OR9G4: variants seen among roughly 807,000 people sequenced by gnomAD.
OR9G4 encodes olfactory receptor family 9 subfamily G member 4.
A neutral mutation model predicts 16.7 loss-of-function variants in OR9G4; 19 were observed. The ratio of observed to expected loss-of-function variants is 1.14; its 90% CI spans 0.79 to 1.67. The LOEUF is 1.67. Ranked by LOEUF, OR9G4 falls within the 40% of genes most tolerant of loss-of-function variation. OR9G4 has a pLI of 0.00. For missense variants in OR9G4, 428 were observed against 370.4 expected (o/e 1.16, Z -1.28); for synonymous variants, 182 against 146.2 (o/e 1.24, Z -1.76).
At chr11:56,746,667 G>C (rs1009035147) in intron 1 of OR9G4, among the ~76,000 whole-genome samples, 3 of 152,158 alleles carry the variant, frequency 2.0e-5, no homozygotes, top group African/African-American at 7.2e-5. Flanking sequence ...CTAATCTGCA[G>C]TTCCAAAAAT....
chr11:56,746,619 A>C (rs1858421195), intron 1 of OR9G4, among the ~76,000 whole-genome samples: 1 of 152,182 alleles, frequency 6.6e-6, no homozygotes, highest in Admixed American at 6.5e-5. Context: ...GAGAGGAGTA[A>C]TAGGTAATTA....
chr11:56,747,250 C>T (rs1203782719), intron 1 of OR9G4, among the ~76,000 whole-genome samples: 1 of 151,314 alleles, frequency 6.6e-6, no homozygotes, highest in African/African-American at 2.4e-5. Context: ...ACTGTCTGTT[C>T]CCTCTGCCTG....
chr11:56,743,280 T>C lies in OR9G4; in HGVS notation c.487A>G (p.Thr163Ala), dbSNP rs1858336870. The change falls in exon 2 of 2, where the codon ACA becomes GCA. Residue 163 changes from threonine (T) to alanine (A), a missense_variant. Physicochemically the swap from Thr to Ala is moderately conservative, Grantham distance 58 (BLOSUM62 0). Transcript: ENST00000641668. ...FLNAIAHTAN[T>A]FRLHFCGKNI... is the part of the protein sequence containing the mutation. ...TTACCACAAAAATGCAGGCGGAATG[T>C]ATTGGCAGTATGGGCTATGGCATTC... 4 of 1,614,130 alleles carry C rather than the reference T, an allele frequency of 2.5e-6. No individual in the cohort carries two copies. The highest frequency in any genetic ancestry group is 3.4e-6 in the Non-Finnish European group (4 of 1,180,010).
At position 56,743,109 on chromosome 11, in the gene OR9G4, T is replaced by C; in HGVS notation, c.658A>G (p.Asn220Asp). The C allele has an allele frequency of 6.2e-7, 1 of 1,614,146 alleles. No individual in the cohort carries two copies. Among genetic ancestry groups the C allele is most frequent in the East Asian group, 2.2e-5 (1 of 44,886 alleles). The change falls in exon 2 of 2, where the codon AAC becomes GAC. Residue 220 changes from asparagine (N) to aspartate (D), a missense_variant. Physicochemically the swap from Asn to Asp is conservative, Grantham distance 23. Transcript: ENST00000641668. Reference protein sequence around the residue: ...SILAILISYVNILLAILRIHS... With the variant: ...SILAILISYVDILLAILRIHS... ...ATTCTCAGGATAGCCAGGAGGATGT[T>C]GACATAGGAAATCAGGATAGCAAGA...
chr11:56,743,813 A>T, intron 1 of OR9G4, 25 bp from the exon 2 acceptor site: 1 of 1,603,922 alleles, frequency 6.2e-7, no homozygotes, highest in Non-Finnish European at 8.5e-7. Flanking sequence ...GAAAATCATC[A>T]CTTAGTGTTT....
In OR9G4 at chr11:56,742,385, G is replaced by T. The variant is rs570322313; in HGVS notation, c.*443C>A. On this transcript the variant is annotated 3_prime_UTR_variant, in exon 2 of 2. Transcript: ENST00000641668. ...AATTAGAGCTTTCTGAAGAAATTTT[G>T]AGGAAATGATTTTCTTAAAATAAAT... 5.3e-4 allele frequency: 85 copies of T among 159,332 alleles called. 2 individuals are homozygous for T. The South Asian group carries it at 7.0e-3, about 13-fold the overall frequency. The allele number at this position is 159,332 out of a possible 1,614,324, so 9.9% of individuals were successfully genotyped here.
chr11:56,743,357 G>A lies in OR9G4; in HGVS notation c.410C>T (p.Ser137Phe). Residue 137 changes from serine to phenylalanine, a missense_variant, in exon 2 of 2, where the codon TCC becomes TTC. Transcript: ENST00000641668. ...AACAAGCCCAGTACAGAGGGCGGTGGACATGGTACCTGAATAAAGCAATGG... is the reference window on the plus strand; with the variant it reads ...AACAAGCCCAGTACAGAGGGCGGTGAACATGGTACCTGAATAAAGCAATGG... ...CNPLLYSGTM[S>F]TALCTGLVAG... The A allele has an allele frequency of 6.2e-7, 1 of 1,614,172 alleles. No homozygotes were observed. The highest frequency in any genetic ancestry group is 1.1e-5 in the South Asian group (1 of 91,080).
intron 1 of OR9G4, among the ~76,000 whole-genome samples, chr11:56,747,908 T>G (rs1040905251): frequency 2.6e-5 from 4 of 152,258 alleles, no homozygotes; most frequent in Admixed American, 2.6e-4. Context: ...ACTCCTCACC[T>G]CGTGATCCGC....
intron 1 of OR9G4, among the ~76,000 whole-genome samples, chr11:56,745,688 C>CT (rs1858397192): frequency 6.6e-6 from 1 of 151,440 alleles, no homozygotes; most frequent in South Asian, 2.1e-4. Context: ...AGGAGAATCG[C>CT]TTGAACCCAG....
chr11:56,747,934 A>G (rs1001209245), intron 1 of OR9G4, among the ~76,000 whole-genome samples: 28 of 152,328 alleles, frequency 1.8e-4, no homozygotes, highest in African/African-American at 6.7e-4. Flanking sequence ...TCAGCCTCCC[A>G]AAGTGCTGGG....
intron 1 of OR9G4, among the ~76,000 whole-genome samples, chr11:56,746,782 C>T (rs1455701266): frequency 6.6e-6 from 1 of 152,030 alleles, no homozygotes; most frequent in Non-Finnish European, 1.5e-5. Context: ...TCTACTTTTC[C>T]AAATTTCAGA....
rs1858350654 is a variant in OR9G4 at position 56,743,587 on chromosome 11, G to C, written c.180C>G (p.Tyr60Ter). ...AAAAAGACAGATTGCCAATGAAAAAGTACATAGGTGTATGCAAGTGGGAAT... is the reference window on the plus strand; with the variant it reads ...AAAAAGACAGATTGCCAATGAAAAACTACATAGGTGTATGCAAGTGGGAAT... ...RTDSHLHTPM[Y>*]FFIGNLSFLD... The change falls in exon 2 of 2, where the codon TAC (tyrosine) becomes TAG (stop). Residue 60 changes from tyrosine (Y) to a stop codon, truncating the protein, a stop_gained. Coordinates refer to ENST00000641668, the MANE Select transcript of OR9G4 (RefSeq NM_001005284.2). LOFTEE classifies it high-confidence loss of function. 13 of 1,614,146 alleles carry C rather than the reference G, an allele frequency of 8.1e-6. No individual in the cohort carries two copies. The highest frequency in any genetic ancestry group is 1.1e-5 in the Non-Finnish European group (13 of 1,180,006).
Position 56,742,166 on chromosome 11 carries a change from C to G in OR9G4, c.*662G>C, listed in dbSNP as rs968655404. On this transcript the variant is annotated 3_prime_UTR_variant, in exon 2 of 2. Transcript: ENST00000641668. ...CTGTGTGACCTGAGAGAGAGTACTG[C>G]GGAGTACTCACTCCTTGTAAGAGAG... 3.9e-5 allele frequency: 6 copies of G among 152,274 alleles called. No homozygotes were observed. Among genetic ancestry groups the G allele is most frequent in the African/African-American group, 1.4e-4 (6 of 41,438 alleles). The allele number at this position is 152,274 out of a possible 1,614,324, so 9.4% of individuals were successfully genotyped here. A position where few individuals can be genotyped will look rare whatever the true frequency, so the allele number is the denominator to read the frequency against.
Position 56,743,111 on chromosome 11 carries a change from A to G in OR9G4, c.656T>C (p.Val219Ala), listed in dbSNP as rs146988458. The part of the protein sequence containing the change: ...SSILAILISY[V>A]NILLAILRIH... Reference sequence around the variant, plus strand: ...TCTCAGGATAGCCAGGAGGATGTTGACATAGGAAATCAGGATAGCAAGAAT... The same window carrying G: ...TCTCAGGATAGCCAGGAGGATGTTGGCATAGGAAATCAGGATAGCAAGAAT... The change falls in exon 2 of 2, where the codon GTC becomes GCC. Residue 219 changes from valine (V) to alanine (A), a missense_variant. Val to Ala is a moderately conservative substitution (Grantham distance 64). Transcript: ENST00000641668. The G allele has an allele frequency of 1.0e-4, 164 of 1,614,186 alleles. No homozygotes were observed. In the African/African-American group the frequency reaches 1.9e-3, roughly 19 times the overall value.
rs555610254 is a variant in OR9G4 at position 56,743,521 on chromosome 11, C to G, written c.246G>C (p.Leu82=). 1 of 1,614,040 alleles carries G rather than the reference C, an allele frequency of 6.2e-7. No individual in the cohort carries two copies. The highest frequency in any genetic ancestry group is 1.7e-5 in the Admixed American group (1 of 60,004). The change falls in exon 2 of 2, where the codon CTG becomes CTC. Residue 82 remains leucine, a synonymous_variant. Coordinates refer to ENST00000641668, the MANE Select transcript of OR9G4 (RefSeq NM_001005284.2). The part of the protein sequence containing the change: ...WYTSVYTPKI[L]ASCVSEDKRI... ...GCTTATCTTCTGAGACACAACTGGC[C>G]AGGATTTTGGGGGTATACACAGAGG...
At chr11:56,746,586 C>T (rs938135254) in intron 1 of OR9G4, among the ~76,000 whole-genome samples, 2 of 152,090 alleles carry the variant, frequency 1.3e-5, no homozygotes, top group African/African-American at 2.4e-5. Context: ...TAAGTTTGGT[C>T]GGGTGCTAAT....
At chr11:56,748,035 T>C (rs965506929) in intron 1 of OR9G4, among the ~76,000 whole-genome samples, 19 of 152,182 alleles carry the variant, frequency 1.2e-4, no homozygotes, top group Admixed American at 2.6e-4. Context: ...TCAAGTGGAC[T>C]TTCCCAGCAC....
chr11:56,743,839 G>T, intron 1 of OR9G4, 51 bp from the exon 2 acceptor site: 1 of 1,568,366 alleles, frequency 6.4e-7, no homozygotes, highest in Non-Finnish European at 8.6e-7. Context: ...ATTCACACAA[G>T]TTGACAAGGG....
intron 1 of OR9G4, among the ~76,000 whole-genome samples, chr11:56,745,299 G>A (rs1160455169): frequency 6.6e-6 from 1 of 152,072 alleles, no homozygotes; most frequent in African/African-American, 2.4e-5. Context: ...ATGTAACTTG[G>A]CAAAGGAGTT....
Sources: allele counts gnomAD v4.1 joint callset (sites outside exome capture counted in the v4.1 genomes callset), GRCh38; gene constraint gnomAD v4.1.1; transcripts MANE v1.5; gene names NCBI Gene and HGNC (gene_info 2026-07-23, HGNC 2026-07-21).